The following LTBP1 variants were observed in gnomAD, a reference collection of about 807,000 sequenced individuals.
The protein encoded by LTBP1 is latent-transforming growth factor beta-binding protein 1.
LTBP1 carries 129 observed loss-of-function variants against 207.6 expected under a neutral mutation model. The ratio of observed to expected loss-of-function variants is 0.62; its 90% CI spans 0.54 to 0.72. The LOEUF (loss-of-function observed/expected upper bound fraction) is 0.72. Among genes scored for constraint, LTBP1 ranks in the 30% least tolerant of loss-of-function variants. LTBP1 has a pLI of 0.00. For synonymous variants in LTBP1, 963 were observed against 833.7 expected (o/e 1.16, Z -2.67); for missense variants, 2,281 against 2,217.2 (o/e 1.03, Z -0.58).
intron 19 of LTBP1, among the ~76,000 whole-genome samples, chr2:33,283,797 G>A (rs1036210227): frequency 2.6e-5 from 4 of 152,076 alleles, no homozygotes; most frequent in Admixed American, 2.6e-4. Flanking sequence ...TCATTTGTTA[G>A]TTGCCATCTG....
At chr2:33,107,017 T>A (rs1366008327) in intron 3 of LTBP1, among the ~76,000 whole-genome samples, 2 of 152,248 alleles carry the variant, frequency 1.3e-5, no homozygotes, top group African/African-American at 4.8e-5. Context: ...AACTGCTTCC[T>A]CTGTGTCTGT....
At chr2:33,377,092 A>T (rs1342981396) in intron 31 of LTBP1, among the ~76,000 whole-genome samples, 1 of 152,250 alleles carries the variant, frequency 6.6e-6, no homozygotes, top group Admixed American at 6.5e-5. Context: ...CAAGGTGAGA[A>T]TAGTTAAAAT....
At chr2:33,151,964 C>T (rs2083572910) in intron 5 of LTBP1, among the ~76,000 whole-genome samples, 1 of 151,736 alleles carries the variant, frequency 6.6e-6, no homozygotes, top group African/African-American at 2.4e-5. Context: ...CTGCTATAAA[C>T]ATGCGTGTGC....
At chr2:33,239,667 C>T (rs994858375) in intron 9 of LTBP1, among the ~76,000 whole-genome samples, 2 of 150,114 alleles carry the variant, frequency 1.3e-5, no homozygotes, top group African/African-American at 4.9e-5. Flanking sequence ...CCGAGGTGGG[C>T]GGATCACTTG....
chr2:33,249,588 C>G (rs572070758), intron 10 of LTBP1, among the ~76,000 whole-genome samples: 27 of 152,258 alleles, frequency 1.8e-4, no homozygotes, highest in African/African-American at 6.0e-4. Flanking sequence ...TGGTACTATA[C>G]TTGGGTACAG....
chr2:33,344,772 C>G lies in LTBP1; in HGVS notation c.3856+1809C>G, dbSNP rs528440234. 3.3e-5 allele frequency among the ~76,000 whole-genome samples: 5 copies of G among 152,332 alleles called. No individual in the cohort carries two copies. In the East Asian group the frequency reaches 9.6e-4, roughly 29 times the overall value. On this transcript the variant is annotated intron_variant, in intron 25 of 33. Transcript: ENST00000404816. ...TATGATTGAAAACTTTCTCACTTCT[C>G]CCTGGGCAGGGCACGATGCTTGGCT...
chr2:33,256,983 T>C (rs1263896673), intron 11 of LTBP1, among the ~76,000 whole-genome samples: 1 of 150,590 alleles, frequency 6.6e-6, no homozygotes, highest in Non-Finnish European at 1.5e-5. Flanking sequence ...GTAAATAATA[T>C]GATATATAAA....
intron 3 of LTBP1, among the ~76,000 whole-genome samples, chr2:33,089,957 A>G (rs911361795): frequency 6.6e-6 from 1 of 152,260 alleles, no homozygotes; most frequent in Admixed American, 6.5e-5. Flanking sequence ...CTATAGTTTG[A>G]TCAAAATACA....
At chr2:33,010,002 T>G (rs906542267) in intron 2 of LTBP1, among the ~76,000 whole-genome samples, 6 of 151,906 alleles carry the variant, frequency 3.9e-5, no homozygotes, top group African/African-American at 1.2e-4. Flanking sequence ...CCTGGGAAAT[T>G]TTGACATTTG....
intron 3 of LTBP1, among the ~76,000 whole-genome samples, chr2:33,034,003 G>A (rs2075805485): frequency 1.3e-5 from 2 of 152,176 alleles, no homozygotes; most frequent in Admixed American, 6.5e-5. Context: ...CCGGCTCCCT[G>A]GGGGACAGGA....
chr2:33,086,715 A>G (rs1339599393), intron 3 of LTBP1, among the ~76,000 whole-genome samples: 1 of 152,104 alleles, frequency 6.6e-6, no homozygotes, highest in African/African-American at 2.4e-5. Flanking sequence ...TACAATTGTT[A>G]TCTCTACTGG....
chr2:33,364,729 G>A (rs1030225175), intron 30 of LTBP1, among the ~76,000 whole-genome samples: 1 of 152,220 alleles, frequency 6.6e-6, no homozygotes, highest in African/African-American at 2.4e-5. Context: ...GCAGAACAGA[G>A]GGTGGAGTTC....
chr2:33,117,638 GT>G (rs1277521588), intron 4 of LTBP1, among the ~76,000 whole-genome samples: 2 of 152,186 alleles, frequency 1.3e-5, no homozygotes, highest in Non-Finnish European at 2.9e-5. Context: ...CTTCAGGGAG[GT>G]GGGCAAGAAC....
At chr2:32,982,042 G>C (rs1682845366) in intron 2 of LTBP1, among the ~76,000 whole-genome samples, 1 of 152,196 alleles carries the variant, frequency 6.6e-6, no homozygotes, top group African/African-American at 2.4e-5. Context: ...AACAGGCAAA[G>C]GTTGGAACAG....
chr2:32,948,489 C>T (rs931719882), intron 1 of LTBP1, among the ~76,000 whole-genome samples: 22 of 152,252 alleles, frequency 1.4e-4, no homozygotes, highest in Non-Finnish European at 2.5e-4. Flanking sequence ...TGATTCCAGG[C>T]CATGTGCCCT....
intron 31 of LTBP1, among the ~76,000 whole-genome samples, chr2:33,378,185 ATGTGTGTGTGTGTGTGTGTG>A (rs57388002): frequency 7.6e-6 from 1 of 131,930 alleles, no homozygotes; most frequent in African/African-American, 2.8e-5. Flanking sequence ...ATATATATAT[ATGTGTGTGTGTGTGTGTGTG>A]TGTGTGTGTG....
chr2:33,301,507 T>G lies in LTBP1; in HGVS notation c.3359-15T>G. 6.4e-7 allele frequency: 1 copy of G among 1,570,554 alleles called. No individual in the cohort carries two copies. Among genetic ancestry groups the G allele is most frequent in the Non-Finnish European group, 8.6e-7 (1 of 1,161,930 alleles). On this transcript the variant is annotated splice_polypyrimidine_tract_variant and intron_variant, in intron 21 of 33. Coordinates refer to ENST00000404816, the MANE Select transcript of LTBP1 (RefSeq NM_206943.4). ...GCACCACTTCCACAGTTTCTTTGTA[T>G]TCTCTTGCTCATAGACATTGATGAA...
rs1676662825 is a variant in LTBP1, at chr2:32,948,814, C to T, written c.495-61C>T. On this transcript the variant is annotated intron_variant, in intron 1 of 33. Transcript: ENST00000404816. ...TGGCCTTTCTGGAACATGCTGGAAG[C>T]TTGGGTTCTTGGGAAGGGGGTCTTT... The T allele has an allele frequency of 3.4e-6, 5 of 1,475,032 alleles. No individual in the cohort carries two copies. In the Admixed American group the frequency reaches 6.7e-5, roughly 20 times the overall value. 91.4% of individuals were successfully genotyped at this position (1,475,032 alleles called of 1,614,324 possible).
chr2:33,195,110 T>C (rs1413910713), intron 7 of LTBP1, among the ~76,000 whole-genome samples: 1 of 152,210 alleles, frequency 6.6e-6, no homozygotes, highest in Non-Finnish European at 1.5e-5. Context: ...ACCTGGTCAC[T>C]CAAGAGCTCT....
Sources: gnomAD v4.1 joint callset for allele counts (sites outside exome capture counted in the v4.1 genomes callset) on GRCh38, gnomAD v4.1.1 for gene constraint, MANE v1.5 for transcripts, NCBI Gene and HGNC (gene_info 2026-07-23, HGNC 2026-07-21) for gene names.